ITGBL1: variants seen among roughly 807,000 people sequenced by gnomAD.
ITGBL1 encodes the protein integrin subunit beta like 1.
In ITGBL1, 51 loss-of-function variants were observed where a neutral mutation model predicts 68.5. The observed-to-expected ratio is 0.74, with a 90% CI of 0.59 to 0.94. The LOEUF (loss-of-function observed/expected upper bound fraction) is 0.94. Among genes scored for constraint, ITGBL1 ranks in the 40% least tolerant of loss-of-function variants. ITGBL1 has a pLI of 0.00. For synonymous variants in ITGBL1, 209 were observed against 227.3 expected (o/e 0.92, Z 0.72); for missense variants, 649 against 647.4 (o/e 1.00, Z -0.03).
intron 7 of ITGBL1, among the ~76,000 whole-genome samples, chr13:101,644,639 C>T (rs1273057565): frequency 2.0e-5 from 3 of 152,284 alleles, no homozygotes; most frequent in East Asian, 3.9e-4. Flanking sequence ...AAAGCAAAGT[C>T]ATCCTTATAT....
chr13:101,590,885 TAAAG>T (rs1356920599), intron 6 of ITGBL1, among the ~76,000 whole-genome samples: 13 of 152,246 alleles, frequency 8.5e-5, no homozygotes, highest in African/African-American at 2.9e-4. Context: ...GGGCTGGAAA[TAAAG>T]AAAGATAGGA....
intron 7 of ITGBL1, among the ~76,000 whole-genome samples, chr13:101,646,725 A>G (rs2032570704): frequency 6.6e-6 from 1 of 152,260 alleles, no homozygotes; most frequent in East Asian, 1.9e-4. Flanking sequence ...TAAAAATCTA[A>G]TAAGAGAATT....
chr13:101,676,984 C>G (rs1272851834), intron 7 of ITGBL1, among the ~76,000 whole-genome samples: 1 of 151,974 alleles, frequency 6.6e-6, no homozygotes, highest in East Asian at 1.9e-4. Context: ...ATTAGCTGGG[C>G]GTGGTGGCAC....
intron 9 of ITGBL1, 134 bp from the exon 10 acceptor site, chr13:101,714,304 C>G: frequency 1.5e-6 from 1 of 661,204 alleles, no homozygotes; most frequent in Non-Finnish European, 2.7e-6. Flanking sequence ...TCTGAGAAAC[C>G]AGCCATTCAA....
intron 7 of ITGBL1, among the ~76,000 whole-genome samples, chr13:101,602,770 T>C (rs1204128371): frequency 6.6e-6 from 1 of 152,042 alleles, no homozygotes; most frequent in Non-Finnish European, 1.5e-5. Context: ...CAATCTACTT[T>C]GTCTCTATGG....
intron 2 of ITGBL1, among the ~76,000 whole-genome samples, chr13:101,482,776 G>C (rs560301281): frequency 2.5e-3 from 383 of 152,208 alleles, no homozygotes; most frequent in African/African-American, 8.8e-3. Flanking sequence ...CCCAAGCCAA[G>C]GGTGTGTAAG....
intron 2 of ITGBL1, among the ~76,000 whole-genome samples, chr13:101,561,834 C>T (rs1346731652): frequency 2.0e-5 from 3 of 152,232 alleles, no homozygotes; most frequent in East Asian, 1.9e-4. Flanking sequence ...AAAGGAAGTT[C>T]TTTAGACAAA....
intron 7 of ITGBL1, among the ~76,000 whole-genome samples, chr13:101,658,905 A>G (rs1431008891): frequency 2.1e-5 from 3 of 144,636 alleles, no homozygotes; most frequent in Non-Finnish European, 4.8e-5. Flanking sequence ...TAATAAAAAT[A>G]TACATATATC....
intron 2 of ITGBL1, among the ~76,000 whole-genome samples, chr13:101,479,111 A>T (rs373791250): frequency 3.9e-5 from 6 of 152,204 alleles, no homozygotes; most frequent in Admixed American, 2.6e-4. Flanking sequence ...AAAAACAGAC[A>T]TATAGACTGA....
intron 2 of ITGBL1, among the ~76,000 whole-genome samples, chr13:101,566,886 A>T (rs1327960261): frequency 6.6e-6 from 1 of 152,154 alleles, no homozygotes; most frequent in Non-Finnish European, 1.5e-5. Flanking sequence ...GCTCAGCTTA[A>T]CTCAAGGTGA....
chr13:101,608,653 A>G (rs987102178), intron 7 of ITGBL1, among the ~76,000 whole-genome samples: 11 of 152,012 alleles, frequency 7.2e-5, no homozygotes, highest in African/African-American at 2.4e-4. Flanking sequence ...GGAACCCCCA[A>G]TGTGTTCTTC....
intron 8 of ITGBL1, 165 bp downstream of exon 8, chr13:101,692,866 T>G: frequency 1.6e-6 from 1 of 621,400 alleles, no homozygotes; most frequent in East Asian, 2.6e-5. Flanking sequence ...TTGTAATGAC[T>G]TTTATTTCCC....
At chr13:101,488,236 T>C (rs368556073) in intron 2 of ITGBL1, among the ~76,000 whole-genome samples, 1 of 152,258 alleles carries the variant, frequency 6.6e-6, no homozygotes, top group Non-Finnish European at 1.5e-5. Flanking sequence ...AATTGCTTTT[T>C]ACATTAAAGG....
intron 6 of ITGBL1, among the ~76,000 whole-genome samples, chr13:101,595,818 A>G (rs916819749): frequency 6.6e-6 from 1 of 152,158 alleles, no homozygotes; most frequent in Non-Finnish European, 1.5e-5. Context: ...AGAGAATTAT[A>G]TGATCTAGGA....
At chr13:101,595,941 T>C (rs1298012330) in intron 6 of ITGBL1, among the ~76,000 whole-genome samples, 1 of 152,162 alleles carries the variant, frequency 6.6e-6, no homozygotes, top group East Asian at 1.9e-4. Flanking sequence ...ACAACACAAG[T>C]GTCTGTTGTA....
intron 2 of ITGBL1, among the ~76,000 whole-genome samples, chr13:101,543,184 G>A (rs538394093): frequency 6.6e-5 from 10 of 151,924 alleles, no homozygotes; most frequent in Non-Finnish European, 1.2e-4. Flanking sequence ...ATTTTTTTGT[G>A]GTGGCTGGTA....
chr13:101,508,221 A>T (rs1393266954), intron 2 of ITGBL1, among the ~76,000 whole-genome samples: 2 of 152,164 alleles, frequency 1.3e-5, no homozygotes, highest in Non-Finnish European at 2.9e-5. Context: ...TTGTCTTTCA[A>T]TACTGTATCC....
intron 2 of ITGBL1, among the ~76,000 whole-genome samples, chr13:101,520,768 A>T (rs368513573): frequency 3.9e-5 from 6 of 152,330 alleles, no homozygotes; most frequent in Admixed American, 3.3e-4. Context: ...ACGGCAAAAC[A>T]AGAAGAGAGA....
intron 4 of ITGBL1, among the ~76,000 whole-genome samples, chr13:101,577,549 T>C (rs1031014585): frequency 2.0e-5 from 3 of 152,192 alleles, no homozygotes; most frequent in Non-Finnish European, 2.9e-5. Flanking sequence ...CTGAATTGTA[T>C]AAATATTCAA....
Sources: allele counts gnomAD v4.1 joint callset (sites outside exome capture counted in the v4.1 genomes callset), GRCh38; gene constraint gnomAD v4.1.1; transcripts MANE v1.5; gene names NCBI Gene and HGNC (gene_info 2026-07-23, HGNC 2026-07-21).